GOLGA1: variants seen among roughly 807,000 people sequenced by gnomAD.
The protein encoded by GOLGA1 is golgin subfamily A member 1.
Under a neutral mutation model 119.7 loss-of-function variants are expected in GOLGA1, and 63 were observed. The observed-to-expected ratio is 0.53, with a 90% CI of 0.43 to 0.65. The LOEUF (loss-of-function observed/expected upper bound fraction) is 0.65. Ranked by LOEUF, GOLGA1 falls within the 30% of genes least tolerant of loss-of-function variation. GOLGA1 has a pLI of 0.00. For synonymous variants in GOLGA1, 318 were observed against 333.4 expected (o/e 0.95, Z 0.50); for missense variants, 798 against 912.8 (o/e 0.87, Z 1.62).
rs779224129 is a variant in GOLGA1, at chr9:124,889,280, T to A, written c.1624A>T (p.Ile542Leu). The change falls in exon 18 of 23, where the codon ATA becomes TTA. Residue 542 changes from isoleucine (I) to leucine (L), a missense_variant. Physicochemically the swap from Ile to Leu is conservative, Grantham distance 5. Transcript: ENST00000373555. Reference protein sequence around the residue: ...ERGHNSALLQIHQLQAELEAL... With the variant: ...ERGHNSALLQLHQLQAELEAL... ...TCCAGCTCGGCCTGCAGCTGGTGTATCTGCAGCAGGGCAGAGTTGTGACCT... is the reference window on the plus strand; with the variant it reads ...TCCAGCTCGGCCTGCAGCTGGTGTAACTGCAGCAGGGCAGAGTTGTGACCT... 1.2e-6 allele frequency: 2 copies of A among 1,613,762 alleles called. No homozygotes were observed. The highest frequency in any genetic ancestry group is 2.2e-5 in the South Asian group (2 of 91,056).
At chr9:124,936,356 C>G (rs1405745415) in intron 3 of GOLGA1, among the ~76,000 whole-genome samples, 1 of 152,122 alleles carries the variant, frequency 6.6e-6, no homozygotes, top group East Asian at 1.9e-4. Context: ...GAGGAAGACT[C>G]ATCTGACAAC....
intron 12 of GOLGA1, among the ~76,000 whole-genome samples, chr9:124,907,181 CAG>C (rs1830251111): frequency 6.6e-6 from 1 of 152,110 alleles, no homozygotes; most frequent in Admixed American, 6.6e-5. Flanking sequence ...ACAGAGAATG[CAG>C]AGACAAACCC....
At chr9:124,926,301 G>A (rs1010533805) in intron 7 of GOLGA1, among the ~76,000 whole-genome samples, 1 of 152,206 alleles carries the variant, frequency 6.6e-6, no homozygotes, top group African/African-American at 2.4e-5. Flanking sequence ...TTGGCCATGG[G>A]ATGCAACTAA....
chr9:124,900,348 T>G, intron 13 of GOLGA1, 104 bp downstream of exon 13: 1 of 672,552 alleles, frequency 1.5e-6, no homozygotes. Flanking sequence ...TATGGGCAGG[T>G]CCAGGTACCG....
intron 4 of GOLGA1, 93 bp from the exon 5 acceptor site, chr9:124,929,383 T>C: frequency 1.2e-6 from 1 of 818,714 alleles, no homozygotes; most frequent in Non-Finnish European, 2.1e-6. Flanking sequence ...ATGATGATGA[T>C]TTTCTTAACC....
At position 124,905,538 on chromosome 9, in the gene GOLGA1, C is replaced by T. The variant is rs1483058204; in HGVS notation, c.1065+2839G>A. The stretch of plus-strand genomic sequence containing the variant: ...AAATAATGAAACTTTAGGCATATTT[C>T]CTTTAAGACTGGGAACAAAACAAAG... On this transcript the variant is annotated intron_variant, in intron 12 of 22. Coordinates refer to ENST00000373555, the MANE Select transcript of GOLGA1 (RefSeq NM_002077.4). Among the ~76,000 whole-genome samples the T allele has an allele frequency of 2.0e-5, 3 of 152,128 alleles. No homozygotes were observed. The East Asian group carries it at 5.8e-4, about 29-fold the overall frequency.
intron 10 of GOLGA1, among the ~76,000 whole-genome samples, chr9:124,919,951 T>C (rs1359343362): frequency 6.6e-6 from 1 of 151,634 alleles, no homozygotes. Context: ...TATTTATTTA[T>C]TTATTTATTT....
intron 3 of GOLGA1, among the ~76,000 whole-genome samples, chr9:124,937,378 G>A (rs978548691): frequency 1.3e-5 from 2 of 152,054 alleles, no homozygotes; most frequent in Admixed American, 6.6e-5. Flanking sequence ...GCCTGAACCC[G>A]GGAGATGGAG....
At chr9:124,914,197 T>C (rs1830393643) in intron 10 of GOLGA1, among the ~76,000 whole-genome samples, 1 of 152,112 alleles carries the variant, frequency 6.6e-6, no homozygotes, top group Non-Finnish European at 1.5e-5. Flanking sequence ...TGCAGCAATC[T>C]TGAAAAAGAA....
intron 3 of GOLGA1, among the ~76,000 whole-genome samples, chr9:124,936,807 C>CT: frequency 6.6e-6 from 1 of 152,258 alleles, no homozygotes; most frequent in Admixed American, 6.5e-5. Flanking sequence ...AACATGGATG[C>CT]ATTTTATAAG....
At chr9:124,943,159 T>C (rs981046558), upstream of GOLGA1, 1 of 152,200 alleles carries the variant, frequency 6.6e-6, no homozygotes, top group Admixed American at 6.5e-5. Context: ...AGAACACAAC[T>C]GACAAGACTT....
intron 19 of GOLGA1, among the ~76,000 whole-genome samples, chr9:124,886,690 G>A (rs1304605452): frequency 2.6e-5 from 4 of 152,092 alleles, no homozygotes; most frequent in Non-Finnish European, 4.4e-5. Flanking sequence ...AAGAAAAAAC[G>A]ACCTAGGCAA....
At chr9:124,932,029 A>G (rs1830779718) in intron 3 of GOLGA1, among the ~76,000 whole-genome samples, 2 of 152,124 alleles carry the variant, frequency 1.3e-5, no homozygotes, top group African/African-American at 4.8e-5. Context: ...AGTTTTTAAA[A>G]TCTCTTTTAC....
At chr9:124,921,690 T>A in intron 9 of GOLGA1, 33 bp downstream of exon 9, 1 of 1,561,370 alleles carries the variant, frequency 6.4e-7, no homozygotes, top group Non-Finnish European at 8.8e-7. Context: ...CACTAACACC[T>A]CTTCCCAAGG....
At chr9:124,913,273 G>A (rs879743641) in intron 10 of GOLGA1, among the ~76,000 whole-genome samples, 11 of 152,112 alleles carry the variant, frequency 7.2e-5, no homozygotes, top group Non-Finnish European at 1.6e-4. Context: ...ATGAGACACG[G>A]AGCCTAACCA....
chr9:124,889,479 C>G lies in GOLGA1; in HGVS notation c.1555G>C (p.Glu519Gln). The G allele has an allele frequency of 6.2e-7, 1 of 1,614,006 alleles. No homozygotes were observed. The highest frequency in any genetic ancestry group is 8.5e-7 in the Non-Finnish European group (1 of 1,179,830). ...TCCTGCTCTTTCTGGAGAAGCACTT[C>G]GGTTTTTTCCCGCAGATTCTGTTCC... ...EKEQNLREKTEVLLQKEQEIL... is the reference protein window; with the variant it reads ...EKEQNLREKTQVLLQKEQEIL... Residue 519 changes from glutamate to glutamine, a missense_variant, in exon 17 of 23, where the codon GAA (glutamate) becomes CAA (glutamine). By Grantham distance (29) the Glu-to-Gln change is conservative. Coordinates refer to ENST00000373555, the MANE Select transcript of GOLGA1 (RefSeq NM_002077.4).
intron 10 of GOLGA1, among the ~76,000 whole-genome samples, chr9:124,915,542 T>C (rs1397140855): frequency 1.3e-5 from 2 of 152,172 alleles, no homozygotes; most frequent in Non-Finnish European, 2.9e-5. Flanking sequence ...ATGCCTTTTT[T>C]TCCTTCATTA....
In GOLGA1 at chr9:124,880,254, A is replaced by G; in HGVS notation, c.*276T>C. 3.4e-6 allele frequency: 1 copy of G among 291,728 alleles called. No homozygotes were observed. The highest frequency in any genetic ancestry group is 6.8e-6 in the Non-Finnish European group (1 of 148,136). 18.1% of individuals were successfully genotyped at this position (291,728 alleles called of 1,614,324 possible). Reference sequence around the variant, plus strand: ...GTGAAGTTAGAGGATTCAGGTGCAGATGGGGTGCTGGCTGGAGCTGGGATA... The same window carrying G: ...GTGAAGTTAGAGGATTCAGGTGCAGGTGGGGTGCTGGCTGGAGCTGGGATA... On this transcript the variant is annotated 3_prime_UTR_variant, in exon 23 of 23. Transcript: ENST00000373555.
intron 8 of GOLGA1, among the ~76,000 whole-genome samples, 161 bp from the exon 9 acceptor site, chr9:124,922,053 C>T (rs373750433): frequency 2.8e-4 from 42 of 151,666 alleles, no homozygotes; most frequent in East Asian, 1.5e-3. Context: ...CATGGCAAAA[C>T]CCTATCTCTA....
Sources: gnomAD v4.1 joint callset for allele counts (sites outside exome capture counted in the v4.1 genomes callset) on GRCh38, gnomAD v4.1.1 for gene constraint, MANE v1.5 for transcripts, NCBI Gene and HGNC (gene_info 2026-07-23, HGNC 2026-07-21) for gene names.